The following RANBP3 variants were observed in gnomAD, a reference collection of about 807,000 sequenced individuals.
RANBP3 encodes RAN binding protein 3.
RANBP3 carries 14 observed loss-of-function variants against 77.3 expected under a neutral mutation model. The ratio of observed to expected loss-of-function variants is 0.18; its 90% CI spans 0.12 to 0.28. The LOEUF is 0.28. Ranked by LOEUF, RANBP3 falls within the 10% of genes least tolerant of loss-of-function variation. The pLI is 1.00. For synonymous variants in RANBP3, 315 were observed against 312.4 expected (o/e 1.01, Z -0.09); for missense variants, 586 against 752.3 (o/e 0.78, Z 2.59).
Position 5,921,721 on chromosome 19 carries a change from G to T in RANBP3, c.1210-400C>A, listed in dbSNP as rs928368554. Among the ~76,000 whole-genome samples the T allele has an allele frequency of 6.6e-6, 1 of 152,156 alleles. No homozygotes were observed. Among genetic ancestry groups the T allele is most frequent in the Non-Finnish European group, 1.5e-5 (1 of 68,026 alleles). ...ACATGCCCAAGCAATTCCATTCCTC[G>T]GTATGTACCCAAGAGAAATGGAACA... On this transcript the variant is annotated intron_variant, in intron 13 of 16. Coordinates refer to ENST00000340578, the MANE Select transcript of RANBP3 (RefSeq NM_007322.3). The surrounding 1 kb of genome is among the most constrained non-coding windows in gnomAD (Gnocchi z 5.3).
At chr19:5,951,250 G>A (rs2058270594) in intron 3 of RANBP3, 143 bp downstream of exon 3, 1 of 828,166 alleles carries the variant, frequency 1.2e-6, no homozygotes, top group Admixed American at 2.3e-5. Flanking sequence ...AAGCGAGCTG[G>A]AAGAAATCCT....
chr19:5,961,530 C>T (rs540000670), intron 1 of RANBP3, among the ~76,000 whole-genome samples: 3 of 151,904 alleles, frequency 2.0e-5, no homozygotes, highest in African/African-American at 2.4e-5. Flanking sequence ...GTCGGGAGTT[C>T]GAGACCAGCC....
intron 2 of RANBP3, among the ~76,000 whole-genome samples, chr19:5,956,236 C>T (rs2058333573): frequency 6.6e-6 from 1 of 152,146 alleles, no homozygotes; most frequent in African/African-American, 2.4e-5. Flanking sequence ...TAATAAAATG[C>T]AAAATTCTAG....
At chr19:5,935,545 CTGA>C (rs2058052516) in intron 5 of RANBP3, 1 of 297,106 alleles carries the variant, frequency 3.4e-6, no homozygotes, top group Non-Finnish European at 7.0e-6. Context: ...GCTCTCCACG[CTGA>C]TGTTTTGGTC....
Position 5,941,603 on chromosome 19 carries a change from T to G in RANBP3, c.406+18A>C. On this transcript the variant is annotated intron_variant, in intron 5 of 16. Coordinates refer to ENST00000340578, the MANE Select transcript of RANBP3 (RefSeq NM_007322.3). ...AAGCATAAACGCTTTCACCATTCCG[T>G]AAGTTTGCATATTTTACCTGACTGT... The G allele has an allele frequency of 6.3e-7, 1 of 1,598,334 alleles. No homozygotes were observed. Among genetic ancestry groups the G allele is most frequent in the Non-Finnish European group, 8.6e-7 (1 of 1,167,664 alleles).
At chr19:5,925,829 A>G (rs539883455) in intron 9 of RANBP3, 92 bp from the exon 10 acceptor site, 25 of 996,596 alleles carry the variant, frequency 2.5e-5, no homozygotes, top group Middle Eastern at 2.1e-4. Flanking sequence ...AGCTGCATGG[A>G]GCTGCTCGGA....
chr19:5,955,099 T>G (rs377661563), intron 2 of RANBP3, among the ~76,000 whole-genome samples: 5 of 152,266 alleles, frequency 3.3e-5, no homozygotes, highest in Non-Finnish European at 5.9e-5. Context: ...AATATTTTGA[T>G]AAGAACTATA....
At chr19:5,964,853 G>GGC (rs1555765277) in intron 1 of RANBP3, among the ~76,000 whole-genome samples, 3 of 27,954 alleles carry the variant, frequency 1.1e-4, no homozygotes, top group Non-Finnish European at 1.6e-4. Flanking sequence ...GTGGTAGGGT[G>GGC]GGGGGGGGGG....
intron 6 of RANBP3, 158 bp from the exon 7 acceptor site, chr19:5,932,702 G>T (rs1319816167): frequency 8.4e-6 from 5 of 598,768 alleles, no homozygotes; most frequent in Non-Finnish European, 1.5e-5. Context: ...TTAACAGCTG[G>T]CCAGGAGATC....
At position 5,931,425 on chromosome 19, in the gene RANBP3, G is replaced by A. The variant is rs749579097; in HGVS notation, c.672C>T (p.Ala224=). The change falls in exon 8 of 17, where the codon GCC becomes GCT. Residue 224 remains alanine, a synonymous_variant. Coordinates refer to ENST00000340578, the MANE Select transcript of RANBP3 (RefSeq NM_007322.3). The part of the protein sequence containing the change: ...TAAWRSPSEA[A]DEVCALEEKE... ...TGACCTCAAGTGCACACACCTCATC[G>A]GCAGCTTCGGAAGGACTTCTCCATG... The A allele has an allele frequency of 6.8e-6, 11 of 1,612,210 alleles. No homozygotes were observed. The highest frequency in any genetic ancestry group is 1.6e-4 in the Middle Eastern group (1 of 6,080).
chr19:5,963,305 C>A (rs2058426307), intron 1 of RANBP3, among the ~76,000 whole-genome samples: 1 of 152,144 alleles, frequency 6.6e-6, no homozygotes, highest in African/African-American at 2.4e-5. Context: ...GTAATCCCAG[C>A]ACTTGGGAGG....
At chr19:5,970,811 T>G (rs581910) in intron 1 of RANBP3, among the ~76,000 whole-genome samples, 1 of 152,038 alleles carries the variant, frequency 6.6e-6, no homozygotes, top group African/African-American at 2.4e-5. Context: ...TCCTCAGACT[T>G]GCGTATCATC....
intron 2 of RANBP3, among the ~76,000 whole-genome samples, chr19:5,955,090 A>C (rs372051212): frequency 6.6e-6 from 1 of 152,222 alleles, no homozygotes; most frequent in African/African-American, 2.4e-5. Context: ...CTGTGAGCCA[A>C]TATTTTGATA....
rs2058373492 is a variant in RANBP3, at chr19:5,959,434, G to C, written c.23-1461C>G. Among the ~76,000 whole-genome samples, 1 of 152,068 alleles carries C rather than the reference G, an allele frequency of 6.6e-6. No individual in the cohort carries two copies. Among genetic ancestry groups the C allele is most frequent in the Non-Finnish European group, 1.5e-5 (1 of 68,012 alleles). On this transcript the variant is annotated intron_variant, in intron 1 of 16. Coordinates refer to ENST00000340578, the MANE Select transcript of RANBP3 (RefSeq NM_007322.3). This position sits in a 1 kb window ranked among gnomAD's most constrained non-coding sequence, Gnocchi z 5.1. ...TCAGTCCACAGCCAGGCAGCCCACT[G>C]ATGGTGACATTCCCCCCACCATGCT...
At chr19:5,966,101 T>A (rs1170263548) in intron 1 of RANBP3, among the ~76,000 whole-genome samples, 1 of 152,232 alleles carries the variant, frequency 6.6e-6, no homozygotes, top group Non-Finnish European at 1.5e-5. Flanking sequence ...GACTCCAGTT[T>A]GCTTCCTCTC....
chr19:5,975,733 A>G (rs1163951624), intron 1 of RANBP3, among the ~76,000 whole-genome samples: 1 of 150,152 alleles, frequency 6.7e-6, no homozygotes, highest in Admixed American at 6.7e-5. Context: ...AATTTGAAAT[A>G]GGTGGCCAGA....
At chr19:5,947,753 T>G (rs1014500550) in intron 3 of RANBP3, among the ~76,000 whole-genome samples, 2 of 150,994 alleles carry the variant, frequency 1.3e-5, no homozygotes, top group Admixed American at 1.3e-4. Context: ...GCCGGCGGGG[T>G]GGGGGCTGGT....
intron 6 of RANBP3, chr19:5,933,186 CCGTG>C (rs1401738847): frequency 2.0e-6 from 1 of 493,340 alleles, no homozygotes; most frequent in Non-Finnish European, 3.6e-6. Context: ...TAGCCTGCTC[CCGTG>C]CCACCACTGC....
intron 1 of RANBP3, among the ~76,000 whole-genome samples, chr19:5,969,636 G>A (rs919384259): frequency 7.2e-5 from 11 of 152,190 alleles, no homozygotes; most frequent in African/African-American, 2.7e-4. Context: ...TGACTCACCG[G>A]GAAGGACAAG....
Sources: gnomAD v4.1 joint callset for allele counts (sites outside exome capture counted in the v4.1 genomes callset) on GRCh38, gnomAD v4.1.1 for gene constraint, Gnocchi (gnomAD v3.1) non-coding constraint, MANE v1.5 for transcripts, NCBI Gene and HGNC (gene_info 2026-07-23, HGNC 2026-07-21) for gene names.